CNBD1: variants seen among roughly 807,000 people sequenced by gnomAD.
CNBD1 encodes the protein cyclic nucleotide-binding domain-containing protein 1.
Under a neutral mutation model 54.4 loss-of-function variants are expected in CNBD1, and 71 were observed. That is an observed-to-expected ratio of 1.30 (90% CI 1.08 to 1.59). CNBD1 has a LOEUF of 1.59. Ranked by LOEUF, CNBD1 falls within the 40% of genes most tolerant of loss-of-function variation. CNBD1 has a pLI of 0.00. For synonymous variants in CNBD1, 182 were observed against 170.7 expected (o/e 1.07, Z -0.51); for missense variants, 659 against 518.0 (o/e 1.27, Z -2.64).
intron 6 of CNBD1, among the ~76,000 whole-genome samples, chr8:87,258,030 A>G (rs189922067): frequency 6.6e-6 from 1 of 152,158 alleles, no homozygotes; most frequent in Non-Finnish European, 1.5e-5. Context: ...TAACCTGAAG[A>G]TTAAACATTA....
intron 2 of CNBD1, among the ~76,000 whole-genome samples, chr8:86,899,136 G>T (rs903388893): frequency 6.6e-6 from 1 of 151,950 alleles, no homozygotes; most frequent in African/African-American, 2.4e-5. Flanking sequence ...CGCAAATACA[G>T]AGATAGAGAA....
At chr8:86,905,574 A>G (rs1809005287) in intron 3 of CNBD1, among the ~76,000 whole-genome samples, 2 of 152,118 alleles carry the variant, frequency 1.3e-5, no homozygotes, top group South Asian at 4.2e-4. Flanking sequence ...GTATCAAGGT[A>G]TAAATCACAA....
rs561265989 is a variant in CNBD1, at chr8:87,221,248, T to C, written c.577+15110T>C. On this transcript the variant is annotated intron_variant, in intron 5 of 10. Coordinates refer to ENST00000518476, the MANE Select transcript of CNBD1 (RefSeq NM_173538.3). ...AAAATTAGCACTGTTTTTATTCTAA[T>C]TGAACATTGTGTAATTGGTTATTTA... is the stretch of plus-strand genomic sequence containing the variant. 5.9e-5 allele frequency among the ~76,000 whole-genome samples: 9 copies of C among 152,258 alleles called. No individual in the cohort carries two copies. In the South Asian group the frequency reaches 1.9e-3, roughly 31 times the overall value.
chr8:87,022,386 G>T (rs971764652), intron 4 of CNBD1, among the ~76,000 whole-genome samples: 19 of 152,156 alleles, frequency 1.2e-4, no homozygotes, highest in Non-Finnish European at 2.4e-4. Flanking sequence ...TTGTTGTTAA[G>T]TTATCAGGAC....
chr8:87,004,320 G>A (rs977142252), intron 4 of CNBD1, among the ~76,000 whole-genome samples: 1 of 152,084 alleles, frequency 6.6e-6, no homozygotes. Context: ...CAAAGTTATA[G>A]TTTGTTGATC....
intron 4 of CNBD1, among the ~76,000 whole-genome samples, chr8:87,034,832 A>T (rs1323654851): frequency 6.6e-6 from 1 of 152,148 alleles, no homozygotes; most frequent in Non-Finnish European, 1.5e-5. Flanking sequence ...TACAGTTCAA[A>T]TTCATGTTGT....
intron 4 of CNBD1, among the ~76,000 whole-genome samples, chr8:86,945,383 C>T (rs1014324619): frequency 2.0e-5 from 3 of 152,144 alleles, no homozygotes; most frequent in Admixed American, 6.5e-5. Flanking sequence ...AGGAATGACT[C>T]AGAGGAATTG....
chr8:86,970,070 A>T lies in CNBD1; in HGVS notation c.431+30316A>T, dbSNP rs182139337. 3.1e-4 allele frequency among the ~76,000 whole-genome samples: 47 copies of T among 152,100 alleles called. No individual in the cohort carries two copies. The East Asian group carries it at 7.3e-3, about 24-fold the overall frequency. ...TCTTGAATGTTTTTGCTGAATATAG[A>T]ATTCTAGTTTGGCAGTCATTTTTAT... On this transcript the variant is annotated intron_variant, in intron 4 of 10. Transcript: ENST00000518476.
intron 4 of CNBD1, among the ~76,000 whole-genome samples, chr8:87,153,050 A>G (rs994532932): frequency 5.9e-5 from 9 of 152,182 alleles, no homozygotes; most frequent in African/African-American, 2.2e-4. Context: ...CAGATGATCA[A>G]CTTTGAAAAA....
At chr8:87,031,408 T>C (rs919500626) in intron 4 of CNBD1, among the ~76,000 whole-genome samples, 1 of 152,192 alleles carries the variant, frequency 6.6e-6, no homozygotes, top group Admixed American at 6.5e-5. Flanking sequence ...GTTGCTACAC[T>C]TCAGCCTGTT....
chr8:87,366,035 G>T (rs1005827367), intron 10 of CNBD1, among the ~76,000 whole-genome samples: 1 of 152,020 alleles, frequency 6.6e-6, no homozygotes, highest in Admixed American at 6.6e-5. Context: ...AATCTAGCCT[G>T]GTAAGAAGCC....
intron 6 of CNBD1, among the ~76,000 whole-genome samples, chr8:87,270,500 A>G (rs1808340353): frequency 6.6e-6 from 1 of 151,938 alleles, no homozygotes; most frequent in Admixed American, 6.6e-5. Flanking sequence ...TGGAACACTT[A>G]TACATTTTTG....
intron 4 of CNBD1, among the ~76,000 whole-genome samples, chr8:87,162,226 G>T (rs1230951884): frequency 6.6e-6 from 1 of 152,038 alleles, no homozygotes; most frequent in East Asian, 1.9e-4. Context: ...GGATAATAAT[G>T]CTTAGATATA....
intron 4 of CNBD1, among the ~76,000 whole-genome samples, chr8:87,037,285 A>AG (rs1203692613): frequency 6.6e-6 from 1 of 152,014 alleles, no homozygotes; most frequent in Non-Finnish European, 1.5e-5. Context: ...TTTTTTCTAG[A>AG]GTTCTGAAGC....
chr8:87,218,145 C>T (rs1814253215), intron 5 of CNBD1, among the ~76,000 whole-genome samples: 1 of 152,018 alleles, frequency 6.6e-6, no homozygotes, highest in South Asian at 2.1e-4. Context: ...TTGTTCCTCC[C>T]CACTCCTGGC....
intron 4 of CNBD1, among the ~76,000 whole-genome samples, chr8:87,146,681 C>T (rs1812495866): frequency 6.6e-6 from 1 of 152,048 alleles, no homozygotes; most frequent in Non-Finnish European, 1.5e-5. Context: ...TTCTCTTACT[C>T]CTGTCCACAT....
intron 4 of CNBD1, among the ~76,000 whole-genome samples, chr8:87,042,085 A>C (rs1442259675): frequency 6.6e-6 from 1 of 152,210 alleles, no homozygotes; most frequent in Non-Finnish European, 1.5e-5. Flanking sequence ...GGGCCTATGC[A>C]AAAGAGAGTT....
intron 2 of CNBD1, among the ~76,000 whole-genome samples, chr8:86,894,035 ATTTTTTTTTTTTTTTTTTTTT>A (rs869060076): frequency 5.7e-5 from 3 of 52,342 alleles, no homozygotes; most frequent in South Asian, 1.1e-3. Context: ...TAATAGATTA[ATTTTTTTTTTTTTTTTTTTTT>A]TTTTTTTTTT....
intron 2 of CNBD1, among the ~76,000 whole-genome samples, chr8:86,893,365 G>C (rs1410095774): frequency 6.6e-6 from 1 of 152,106 alleles, no homozygotes. Context: ...GAAGGAAGTG[G>C]GGGATTTTAA....
Sources: gnomAD v4.1 joint callset for allele counts (sites outside exome capture counted in the v4.1 genomes callset) on GRCh38, gnomAD v4.1.1 for gene constraint, MANE v1.5 for transcripts, NCBI Gene and HGNC (gene_info 2026-07-23, HGNC 2026-07-21) for gene names.